SLIT2: variants seen among roughly 807,000 people sequenced by gnomAD.
SLIT2 encodes the protein slit homolog 2 protein.
In SLIT2, 41 loss-of-function variants were observed where a neutral mutation model predicts 185.7. The ratio of observed to expected loss-of-function variants is 0.22; its 90% CI spans 0.17 to 0.29. SLIT2 has a LOEUF of 0.29. Ranked by LOEUF, SLIT2 falls within the 10% of genes least tolerant of loss-of-function variation. The pLI is 1.00. For synonymous variants in SLIT2, 693 were observed against 680.2 expected, an observed-to-expected ratio of 1.02 and a Z score of -0.29; for missense variants, 1,571 against 1,909.0, an observed-to-expected ratio of 0.82 and a Z score of 3.30.
intron 4 of SLIT2, among the ~76,000 whole-genome samples, chr4:20,435,659 G>A (rs1472460617): frequency 6.6e-6 from 1 of 152,140 alleles, no homozygotes; most frequent in Non-Finnish European, 1.5e-5. Flanking sequence ...CATATGAAAA[G>A]AACATGAATA....
intron 26 of SLIT2, among the ~76,000 whole-genome samples, chr4:20,565,931 A>G (rs1725054836): frequency 6.6e-6 from 1 of 152,044 alleles, no homozygotes; most frequent in African/African-American, 2.4e-5. Flanking sequence ...AATATGTGCT[A>G]GTATTTCCCA....
intron 4 of SLIT2, among the ~76,000 whole-genome samples, chr4:20,334,263 G>A (rs747322650): frequency 1.3e-5 from 2 of 151,980 alleles, no homozygotes; most frequent in East Asian, 1.9e-4. Flanking sequence ...TGCTTCATTC[G>A]GGATGACATT....
chr4:20,547,770 A>C (rs1723379496), intron 22 of SLIT2, among the ~76,000 whole-genome samples: 1 of 151,420 alleles, frequency 6.6e-6, no homozygotes, highest in African/African-American at 2.4e-5. Flanking sequence ...ATATAATGAG[A>C]ATAAGATCAA....
intron 14 of SLIT2, 88 bp from the exon 15 acceptor site, chr4:20,525,061 T>G (rs982663200): frequency 3.1e-6 from 3 of 954,070 alleles, no homozygotes; most frequent in African/African-American, 3.2e-5. Flanking sequence ...TGCAGTAACT[T>G]TAGTCCATTC....
rs550294198 is a variant in SLIT2, at chr4:20,253,469, C to T, written c.-347C>T. On this transcript the variant is annotated 5_prime_UTR_variant, in exon 1 of 37. Coordinates refer to ENST00000504154, the MANE Select transcript of SLIT2 (RefSeq NM_004787.4). ...CTGCATCTTAGCAGCCGTTGGAAGCCCCAGCTCTTTTACCGCCAAGTTCAT... is the reference window on the plus strand; with the variant it reads ...CTGCATCTTAGCAGCCGTTGGAAGCTCCAGCTCTTTTACCGCCAAGTTCAT... The T allele has an allele frequency of 1.2e-5, 4 of 322,470 alleles. No individual in the cohort carries two copies. In the South Asian group the frequency reaches 1.6e-4, roughly 13 times the overall value. 20.0% of individuals were successfully genotyped at this position (322,470 alleles called of 1,614,324 possible). A position where few individuals can be genotyped will look rare whatever the true frequency, so the allele number is the denominator to read the frequency against.
chr4:20,331,133 T>C (rs192807985), intron 4 of SLIT2, among the ~76,000 whole-genome samples: 2 of 152,292 alleles, frequency 1.3e-5, no homozygotes, highest in Admixed American at 6.5e-5. Flanking sequence ...CCTGTTGTTA[T>C]GCAGTCTCTT....
At chr4:20,449,521 G>A (rs1055811919) in intron 4 of SLIT2, among the ~76,000 whole-genome samples, 3 of 152,046 alleles carry the variant, frequency 2.0e-5, no homozygotes, top group Non-Finnish European at 2.9e-5. Flanking sequence ...TGATTCTCCT[G>A]CCTCAGCCTC....
intron 29 of SLIT2, among the ~76,000 whole-genome samples, chr4:20,573,441 A>G (rs1336247868): frequency 6.6e-6 from 1 of 152,228 alleles, no homozygotes; most frequent in African/African-American, 2.4e-5. Flanking sequence ...GACAAACAGT[A>G]TAAAATGGGC....
At chr4:20,435,793 C>G (rs1462839985) in intron 4 of SLIT2, among the ~76,000 whole-genome samples, 1 of 152,166 alleles carries the variant, frequency 6.6e-6, no homozygotes, top group Non-Finnish European at 1.5e-5. Context: ...TGGATTGTGG[C>G]ATGCCTAGAA....
chr4:20,589,543 C>T, intron 29 of SLIT2, 101 bp from the exon 30 acceptor site: 1 of 867,348 alleles, frequency 1.2e-6, no homozygotes, highest in Non-Finnish European at 1.9e-6. Flanking sequence ...TTTTAAATCA[C>T]AAGCTGCCCT....
chr4:20,403,307 A>C (rs1287986146), intron 4 of SLIT2, among the ~76,000 whole-genome samples: 1 of 151,970 alleles, frequency 6.6e-6, no homozygotes, highest in Non-Finnish European at 1.5e-5. Flanking sequence ...CTCAGTTATC[A>C]TATATTGAAA....
chr4:20,457,791 G>A (rs1199970372), intron 4 of SLIT2, among the ~76,000 whole-genome samples: 1 of 152,124 alleles, frequency 6.6e-6, no homozygotes, highest in East Asian at 1.9e-4. Context: ...TTCTTGAAGT[G>A]AGCTAAATTG....
At chr4:20,325,242 A>G (rs1437061997) in intron 4 of SLIT2, among the ~76,000 whole-genome samples, 1 of 151,830 alleles carries the variant, frequency 6.6e-6, no homozygotes, top group African/African-American at 2.4e-5. Context: ...ACTTCTGCTC[A>G]AGGGAACAGC....
rs202000032 is a variant in SLIT2 at position 20,548,742 on chromosome 4, TA to T, written c.2417+191del. On this transcript the variant is annotated intron_variant, in intron 23 of 36. Transcript: ENST00000504154. ...CATTAGGAAAAGTATTGCGTTCTAT[TA>T]AAAAAAACAAAGAATAATTTGTGTT... Among the ~76,000 whole-genome samples the T allele has an allele frequency of 2.6e-3, 399 of 151,976 alleles. 9 individuals carry two copies. The South Asian group carries it at 0.059, about 23-fold the overall frequency.
intron 9 of SLIT2, among the ~76,000 whole-genome samples, chr4:20,501,296 G>C (rs531808223): frequency 2.0e-5 from 3 of 151,744 alleles, no homozygotes; most frequent in Non-Finnish European, 2.9e-5. Flanking sequence ...ATTTTTTTTG[G>C]GGGGAGGAGG....
At chr4:20,587,978 A>T (rs1727202928) in intron 29 of SLIT2, among the ~76,000 whole-genome samples, 1 of 152,218 alleles carries the variant, frequency 6.6e-6, no homozygotes, top group South Asian at 2.1e-4. Context: ...TCTTGGATAG[A>T]TACTACTATA....
At chr4:20,390,867 A>G (rs1478343443) in intron 4 of SLIT2, among the ~76,000 whole-genome samples, 1 of 151,840 alleles carries the variant, frequency 6.6e-6, no homozygotes, top group Non-Finnish European at 1.5e-5. Flanking sequence ...ACTGAAATTC[A>G]TTACTTAATT....
chr4:20,253,062 C>T lies in SLIT2; in HGVS notation c.-754C>T, dbSNP rs1722165150. On this transcript the variant is annotated 5_prime_UTR_variant, in exon 1 of 37. Coordinates refer to ENST00000504154, the MANE Select transcript of SLIT2 (RefSeq NM_004787.4). ...GTCGCCAAGGACGCCGAGCGGGAGG[C>T]GGGATTGCCCAGACATCCTTCAGCG... Among the ~76,000 whole-genome samples the T allele has an allele frequency of 6.6e-6, 1 of 152,172 alleles. No individual in the cohort carries two copies. The highest frequency in any genetic ancestry group is 2.4e-5 in the African/African-American group (1 of 41,448).
At chr4:20,322,770 T>C (rs1217085304) in intron 4 of SLIT2, among the ~76,000 whole-genome samples, 2 of 152,192 alleles carry the variant, frequency 1.3e-5, no homozygotes, top group African/African-American at 4.8e-5. Context: ...TTCCCCGCAG[T>C]GTCTAGCACA....
Sources: gnomAD v4.1 joint callset for allele counts (sites outside exome capture counted in the v4.1 genomes callset) on GRCh38, gnomAD v4.1.1 for gene constraint, MANE v1.5 for transcripts, NCBI Gene and HGNC (gene_info 2026-07-23, HGNC 2026-07-21) for gene names.